Variants in FMNL2 observed in about 807,000 individuals in gnomAD.
The protein encoded by FMNL2 is formin like 2, also known as formin-like protein 2.
Under a neutral mutation model 130.2 loss-of-function variants are expected in FMNL2, and 51 were observed. That is an observed-to-expected ratio of 0.39 (90% CI 0.31 to 0.49). The LOEUF (loss-of-function observed/expected upper bound fraction) is 0.49. FMNL2 is among the 20% of genes least tolerant of loss of function. The pLI is 0.85. For missense variants in FMNL2, 977 were observed against 1,316.2 expected (o/e 0.74, Z 3.99); for synonymous variants, 465 against 467.1 (o/e 1.00, Z 0.06).
intron 1 of FMNL2, among the ~76,000 whole-genome samples, chr2:152,506,166 T>C (rs577354125): frequency 1.3e-5 from 2 of 152,334 alleles, no homozygotes; most frequent in African/African-American, 4.8e-5. Context: ...ATTTCTTTAG[T>C]TGAAAAATTT....
chr2:152,441,461 G>C (rs953383072), intron 1 of FMNL2, among the ~76,000 whole-genome samples: 7 of 152,004 alleles, frequency 4.6e-5, no homozygotes, highest in Non-Finnish European at 1.0e-4. Flanking sequence ...TCTTGAGCCC[G>C]TGAGTTTGAG....
At chr2:152,621,024 G>A (rs758132431) in intron 15 of FMNL2, 71 of 985,284 alleles carry the variant, frequency 7.2e-5, no homozygotes, top group Non-Finnish European at 8.1e-5. Context: ...GATGGACTAT[G>A]GAATATAAAC....
chr2:152,582,293 T>C (rs1286619886), intron 9 of FMNL2, among the ~76,000 whole-genome samples: 5 of 152,132 alleles, frequency 3.3e-5, no homozygotes, highest in Non-Finnish European at 1.5e-5. Context: ...CCTCCTTAAT[T>C]GGATTTACTG....
At chr2:152,496,329 C>G (rs990822295) in intron 1 of FMNL2, among the ~76,000 whole-genome samples, 3 of 152,096 alleles carry the variant, frequency 2.0e-5, no homozygotes, top group African/African-American at 7.2e-5. Flanking sequence ...GCATTTTTGG[C>G]AAGAATATCG....
intron 15 of FMNL2, among the ~76,000 whole-genome samples, 186 bp downstream of exon 15, chr2:152,619,904 A>T (rs578253929): frequency 6.6e-6 from 1 of 152,148 alleles, no homozygotes; most frequent in East Asian, 1.9e-4. Flanking sequence ...CTTTGCTCTG[A>T]GTAGTCTTTG....
intron 1 of FMNL2, among the ~76,000 whole-genome samples, chr2:152,410,420 C>T (rs902274257): frequency 6.6e-6 from 1 of 152,180 alleles, no homozygotes; most frequent in Non-Finnish European, 1.5e-5. Flanking sequence ...TCTGATTTCT[C>T]CAGATCAGAC....
At chr2:152,540,415 TAG>T (rs1694245671) in intron 2 of FMNL2, among the ~76,000 whole-genome samples, 1 of 152,130 alleles carries the variant, frequency 6.6e-6, no homozygotes, top group African/African-American at 2.4e-5. Flanking sequence ...GCTCTCGAGA[TAG>T]AACATTTGAA....
At chr2:152,585,244 A>G (rs1697002894) in intron 9 of FMNL2, among the ~76,000 whole-genome samples, 1 of 152,166 alleles carries the variant, frequency 6.6e-6, no homozygotes, top group Non-Finnish European at 1.5e-5. Context: ...ATGGTCTTGA[A>G]ATAAAGACCA....
intron 9 of FMNL2, among the ~76,000 whole-genome samples, chr2:152,585,920 CAA>C (rs34744900): frequency 0.26 from 34,394 of 129,860 alleles, 4,372 homozygotes; most frequent in African/African-American, 0.39. Context: ...AAAGGTTTGG[CAA>C]AAAAAAAAAA....
intron 6 of FMNL2, among the ~76,000 whole-genome samples, chr2:152,568,152 C>T (rs1358507460): frequency 1.3e-5 from 2 of 150,960 alleles, no homozygotes; most frequent in African/African-American, 4.9e-5. Context: ...ATTGTTGAGA[C>T]AATAGATGGG....
chr2:152,390,066 C>T, intron 1 of FMNL2: 1 of 1,573,148 alleles, frequency 6.4e-7, no homozygotes, highest in Non-Finnish European at 8.7e-7. Flanking sequence ...CCTTGACTCC[C>T]CAGGAAAGCA....
chr2:152,559,391 CA>C (rs1286177231), intron 5 of FMNL2, among the ~76,000 whole-genome samples: 1 of 152,162 alleles, frequency 6.6e-6, no homozygotes, highest in African/African-American at 2.4e-5. Flanking sequence ...CGGCTCACTG[CA>C]ACCTCTGATC....
rs185284689 is a variant in FMNL2 at position 152,370,442 on chromosome 2, A to G, written c.117+34722A>G. Among the ~76,000 whole-genome samples, 4 of 152,348 alleles carry G rather than the reference A, an allele frequency of 2.6e-5. No homozygotes were observed. In the East Asian group the frequency reaches 7.7e-4, roughly 29 times the overall value. On this transcript the variant is annotated intron_variant, in intron 1 of 25. Coordinates refer to ENST00000288670, the MANE Select transcript of FMNL2 (RefSeq NM_052905.4). ...TAGGATTTCAACACATGAATTTGAC[A>G]GTGGGACACAAAAATTCAGTCCATG...
chr2:152,412,446 T>TTATATA (rs56681937), intron 1 of FMNL2, among the ~76,000 whole-genome samples: 27 of 103,216 alleles, frequency 2.6e-4, no homozygotes, highest in African/African-American at 6.4e-4. Flanking sequence ...TCTGTATATT[T>TTATATA]TATATATATA....
chr2:152,455,046 C>G (rs941255604), intron 1 of FMNL2, among the ~76,000 whole-genome samples: 1 of 152,232 alleles, frequency 6.6e-6, no homozygotes, highest in Admixed American at 6.5e-5. Context: ...GAAACTATGC[C>G]ACACAGAAGT....
At chr2:152,375,869 C>A (rs1305388783) in intron 1 of FMNL2, among the ~76,000 whole-genome samples, 80 of 113,246 alleles carry the variant, frequency 7.1e-4, no homozygotes, top group African/African-American at 2.0e-3. Context: ...CTCTCTCTCT[C>A]TCTCTCTCTA....
chr2:152,562,118 T>C (rs1283064353), intron 6 of FMNL2, among the ~76,000 whole-genome samples: 1 of 152,224 alleles, frequency 6.6e-6, no homozygotes, highest in Non-Finnish European at 1.5e-5. Context: ...ATCAAACTCC[T>C]GCCTATGAGG....
At chr2:152,502,107 C>T (rs1224476418) in intron 1 of FMNL2, among the ~76,000 whole-genome samples, 1 of 152,110 alleles carries the variant, frequency 6.6e-6, no homozygotes, top group African/African-American at 2.4e-5. Flanking sequence ...TTGTGGAAAA[C>T]ACTTGGGTTA....
chr2:152,630,906 G>A (rs116326906), intron 20 of FMNL2, among the ~76,000 whole-genome samples: 137 of 152,280 alleles, frequency 9.0e-4, no homozygotes, highest in African/African-American at 3.2e-3. Flanking sequence ...CAGATGCAGG[G>A]CTGGGAGAGT....
Sources: allele counts gnomAD v4.1 joint callset (sites outside exome capture counted in the v4.1 genomes callset), GRCh38; gene constraint gnomAD v4.1.1; transcripts MANE v1.5; gene names NCBI Gene and HGNC (gene_info 2026-07-23, HGNC 2026-07-21).